SGCZ: variants seen among roughly 807,000 people sequenced by gnomAD.
SGCZ encodes the protein sarcoglycan zeta, also known as zeta-sarcoglycan.
A neutral mutation model predicts 41.3 loss-of-function variants in SGCZ; 40 were observed. The observed-to-expected ratio is 0.97, with a 90% CI of 0.75 to 1.26. The LOEUF is 1.26. SGCZ is among the 50% of genes most tolerant of loss of function. The pLI is 0.00. For missense variants in SGCZ, 552 were observed against 369.8 expected, an observed-to-expected ratio of 1.49 and a Z score of -4.04; for synonymous variants, 206 against 137.5, an observed-to-expected ratio of 1.50 and a Z score of -3.49.
intron 4 of SGCZ, among the ~76,000 whole-genome samples, chr8:14,197,966 C>T (rs1805320625): frequency 1.3e-5 from 2 of 152,038 alleles, no homozygotes; most frequent in African/African-American, 2.4e-5. Context: ...AGGAAACAAG[C>T]TCAATATACC....
chr8:14,930,285 G>C (rs1799888540), intron 1 of SGCZ, among the ~76,000 whole-genome samples: 1 of 151,998 alleles, frequency 6.6e-6, no homozygotes. Context: ...ACCACAATGA[G>C]ATACTATCTC....
chr8:14,623,713 C>T (rs1198484235), intron 1 of SGCZ, among the ~76,000 whole-genome samples: 1 of 152,160 alleles, frequency 6.6e-6, no homozygotes, highest in African/African-American at 2.4e-5. Context: ...GAGGAAGCTG[C>T]TTGTCTTTCA....
chr8:14,705,834 G>A (rs1336306626), intron 1 of SGCZ, among the ~76,000 whole-genome samples: 5 of 152,070 alleles, frequency 3.3e-5, no homozygotes, highest in East Asian at 3.9e-4. Context: ...ATAGAACTTT[G>A]AATAAATTGT....
At chr8:14,319,632 G>A (rs796692108) in intron 3 of SGCZ, 14 of 152,124 alleles carry the variant, frequency 9.2e-5, no homozygotes, top group African/African-American at 3.4e-4. Flanking sequence ...ATATAAAGAA[G>A]ACCACAGACG....
chr8:14,239,764 T>G (rs1798794275), intron 3 of SGCZ, among the ~76,000 whole-genome samples: 1 of 149,236 alleles, frequency 6.7e-6, no homozygotes, highest in Non-Finnish European at 1.5e-5. Flanking sequence ...TAGCCGGGCG[T>G]AGTGGCGGGC....
chr8:15,032,888 G>A (rs1585493866), intron 1 of SGCZ, among the ~76,000 whole-genome samples: 3 of 152,194 alleles, frequency 2.0e-5, no homozygotes, highest in South Asian at 4.1e-4. Flanking sequence ...GCTGTCCCCT[G>A]TGGCCCCAGG....
chr8:14,261,598 T>C (rs1403118307), intron 3 of SGCZ, among the ~76,000 whole-genome samples: 1 of 152,156 alleles, frequency 6.6e-6, no homozygotes, highest in Non-Finnish European at 1.5e-5. Flanking sequence ...TATAAGCTAT[T>C]TGAGCTAAGT....
intron 2 of SGCZ, among the ~76,000 whole-genome samples, chr8:14,434,446 G>A (rs67934334): frequency 0.53 from 80,428 of 152,016 alleles, 23,567 homozygotes; most frequent in East Asian, 0.78. Context: ...CTTAGACCAT[G>A]TCGGCTGTTT....
chr8:14,907,254 G>A (rs1310414474), intron 1 of SGCZ, among the ~76,000 whole-genome samples: 7 of 152,054 alleles, frequency 4.6e-5, no homozygotes, highest in Non-Finnish European at 5.9e-5. Flanking sequence ...AAGTAGAATG[G>A]CGTAATCATG....
At chr8:15,126,891 T>A (rs1411917283) in intron 1 of SGCZ, among the ~76,000 whole-genome samples, 1 of 152,132 alleles carries the variant, frequency 6.6e-6, no homozygotes, top group Non-Finnish European at 1.5e-5. Flanking sequence ...GGGAAGGACA[T>A]GGAGACTGAG....
chr8:14,769,767 C>G (rs756285822), intron 1 of SGCZ, among the ~76,000 whole-genome samples: 95 of 124,354 alleles, frequency 7.6e-4, no homozygotes, highest in Non-Finnish European at 1.2e-3. Flanking sequence ...TGCACTCCAT[C>G]CTGGGCGACA....
At chr8:15,031,916 T>C (rs11777736) in intron 1 of SGCZ, among the ~76,000 whole-genome samples, 12 of 138,320 alleles carry the variant, frequency 8.7e-5, no homozygotes, top group Admixed American at 2.1e-4. Flanking sequence ...TCTCTCTCTC[T>C]CTCTCTCTCT....
chr8:14,912,740 C>T (rs1799313783), intron 1 of SGCZ, among the ~76,000 whole-genome samples: 1 of 152,004 alleles, frequency 6.6e-6, no homozygotes, highest in African/African-American at 2.4e-5. Context: ...TTTGATGCAC[C>T]ACTCTTTTGC....
At chr8:14,379,062 T>TG (rs1227834980) in intron 2 of SGCZ, among the ~76,000 whole-genome samples, 1 of 152,160 alleles carries the variant, frequency 6.6e-6, no homozygotes, top group African/African-American at 2.4e-5. Flanking sequence ...TTCACTTATA[T>TG]GGGGAAAAAA....
At chr8:14,971,690 G>A (rs1160808886) in intron 1 of SGCZ, among the ~76,000 whole-genome samples, 6 of 131,272 alleles carry the variant, frequency 4.6e-5, no homozygotes, top group Non-Finnish European at 9.3e-5. Context: ...CTGCTCTGTC[G>A]CCAGGCTGGA....
At chr8:14,328,577 A>G (rs1236621532) in intron 2 of SGCZ, among the ~76,000 whole-genome samples, 2 of 152,226 alleles carry the variant, frequency 1.3e-5, no homozygotes, top group Non-Finnish European at 2.9e-5. Flanking sequence ...TTTAACTATT[A>G]TTAACATTTT....
intron 2 of SGCZ, among the ~76,000 whole-genome samples, chr8:14,435,981 C>G (rs746051665): frequency 6.6e-6 from 1 of 152,126 alleles, no homozygotes; most frequent in Non-Finnish European, 1.5e-5. Flanking sequence ...CTCCTAGGAC[C>G]AGCTAGGTAT....
chr8:15,087,946 T>C (rs66513835), intron 1 of SGCZ, among the ~76,000 whole-genome samples: 21,973 of 151,740 alleles, frequency 0.14, 2,777 homozygotes, highest in African/African-American at 0.33. Flanking sequence ...AACATGCATG[T>C]AAAATGCTAT....
At chr8:14,843,070 G>A (rs1736761255) in intron 1 of SGCZ, among the ~76,000 whole-genome samples, 2 of 152,124 alleles carry the variant, frequency 1.3e-5, no homozygotes, top group African/African-American at 2.4e-5. Flanking sequence ...AAATTAGCTG[G>A]GTGTGGTGGC....
Sources: allele counts gnomAD v4.1 joint callset (sites outside exome capture counted in the v4.1 genomes callset), GRCh38; gene constraint gnomAD v4.1.1; transcripts MANE v1.5; gene names NCBI Gene and HGNC (gene_info 2026-07-23, HGNC 2026-07-21).